RBFOX2: variants seen among roughly 807,000 people sequenced by gnomAD.
The protein encoded by RBFOX2 is RNA binding protein fox-1 homolog 2.
In RBFOX2, 10 loss-of-function variants were observed where a neutral mutation model predicts 49.1. The ratio of observed to expected loss-of-function variants is 0.20; its 90% CI spans 0.13 to 0.35. The LOEUF (loss-of-function observed/expected upper bound fraction) is 0.35. Among genes scored for constraint, RBFOX2 ranks in the 10% least tolerant of loss-of-function variants. The pLI is 1.00. For synonymous variants in RBFOX2, 183 were observed against 187.4 expected (o/e 0.98, Z 0.19); for missense variants, 323 against 486.9 (o/e 0.66, Z 3.17).
intron 1 of RBFOX2, among the ~76,000 whole-genome samples, chr22:35,953,278 TAAAC>T (rs1047646439): frequency 6.6e-5 from 8 of 121,772 alleles, no homozygotes; most frequent in Non-Finnish European, 1.4e-4. Context: ...GATAAACAGA[TAAAC>T]AAATTGTGCT....
chr22:35,935,937 A>C (rs1400760824), intron 1 of RBFOX2, among the ~76,000 whole-genome samples: 1 of 152,162 alleles, frequency 6.6e-6, no homozygotes, highest in African/African-American at 2.4e-5. Flanking sequence ...AATACAATGA[A>C]AGTGGTCCAA....
upstream of RBFOX2, chr22:35,938,996 G>C (rs1224064616): frequency 3.4e-6 from 4 of 1,183,858 alleles, no homozygotes; most frequent in African/African-American, 6.0e-5. Flanking sequence ...TTCCTGCCCT[G>C]GTTCCTAAAA....
chr22:35,963,830 C>G (rs1376483130), upstream of RBFOX2, among the ~76,000 whole-genome samples: 1 of 152,204 alleles, frequency 6.6e-6, no homozygotes, highest in East Asian at 1.9e-4. Flanking sequence ...ACTGCAACCT[C>G]TGCCTCCCGG....
At chr22:35,975,504 T>G (rs1433667504) in intron 1 of RBFOX2, among the ~76,000 whole-genome samples, 3 of 152,214 alleles carry the variant, frequency 2.0e-5, no homozygotes, top group Non-Finnish European at 4.4e-5. Context: ...AGTGCCTGAT[T>G]TAGATTAGGA....
chr22:35,990,900 T>C (rs140095941), intron 1 of RBFOX2, among the ~76,000 whole-genome samples: 3 of 152,130 alleles, frequency 2.0e-5, no homozygotes, highest in South Asian at 2.1e-4. Context: ...TATGTAAGCA[T>C]TGGAGAGGGG....
intron 1 of RBFOX2, chr22:35,995,520 C>G (rs1266313406): frequency 1.3e-5 from 2 of 152,160 alleles, no homozygotes; most frequent in Non-Finnish European, 2.9e-5. Flanking sequence ...AAATTGTAAT[C>G]CCCACGTGTC....
intron 1 of RBFOX2, among the ~76,000 whole-genome samples, chr22:35,876,810 T>A (rs1455037253): frequency 2.0e-5 from 3 of 152,076 alleles, no homozygotes; most frequent in Admixed American, 2.0e-4. Flanking sequence ...GGAAAACGTT[T>A]GAGCACACTG....
At chr22:35,933,274 T>C (rs1003451509) in intron 1 of RBFOX2, among the ~76,000 whole-genome samples, 4 of 152,218 alleles carry the variant, frequency 2.6e-5, no homozygotes, top group Non-Finnish European at 4.4e-5. Flanking sequence ...AGCTGAACTA[T>C]TGTGAAGATC....
chr22:35,837,588 T>A (rs1471825169), intron 1 of RBFOX2, among the ~76,000 whole-genome samples: 1 of 152,136 alleles, frequency 6.6e-6, no homozygotes, highest in Non-Finnish European at 1.5e-5. Context: ...GGTTATTTCC[T>A]TTGATTGTTT....
intron 1 of RBFOX2, among the ~76,000 whole-genome samples, chr22:35,851,554 G>A (rs1024148116): frequency 6.6e-6 from 1 of 152,096 alleles, no homozygotes; most frequent in African/African-American, 2.4e-5. Context: ...TGGCCGGGTG[G>A]TGTGGCTCAC....
intron 9 of RBFOX2, chr22:35,750,480 CA>C: frequency 1.3e-6 from 2 of 1,591,804 alleles, no homozygotes; most frequent in Non-Finnish European, 8.6e-7. Flanking sequence ...TGAAATAAAA[CA>C]AAAAATGGGG....
intron 1 of RBFOX2, among the ~76,000 whole-genome samples, chr22:35,953,495 C>T (rs2055194272): frequency 6.6e-6 from 1 of 151,940 alleles, no homozygotes; most frequent in Non-Finnish European, 1.5e-5. Flanking sequence ...TGGTTGCCAG[C>T]AGGGAAGGGG....
At chr22:35,745,722 C>G (rs1489667075) in intron 11 of RBFOX2, among the ~76,000 whole-genome samples, 1 of 152,168 alleles carries the variant, frequency 6.6e-6, no homozygotes, top group Non-Finnish European at 1.5e-5. Context: ...TTCTGCTGCC[C>G]TTAACTAGGC....
At chr22:35,897,366 G>A in intron 1 of RBFOX2, 1 of 1,200,592 alleles carries the variant, frequency 8.3e-7, no homozygotes, top group Non-Finnish European at 1.2e-6. Flanking sequence ...GAGTTCCAGT[G>A]GTGTTGCCTG....
chr22:35,896,003 A>G (rs5750192), intron 1 of RBFOX2, among the ~76,000 whole-genome samples: 11,928 of 152,190 alleles, frequency 0.078, 487 homozygotes, highest in African/African-American at 0.087. Flanking sequence ...TATTCAGAAA[A>G]TCACGTAATT....
intron 2 of RBFOX2, among the ~76,000 whole-genome samples, chr22:35,792,352 A>G (rs922112955): frequency 6.7e-6 from 1 of 150,308 alleles, no homozygotes; most frequent in African/African-American, 2.5e-5. Context: ...AAAGAAAAGA[A>G]AAGAAAAGAA....
chr22:35,946,899 A>G (rs1302821054), intron 1 of RBFOX2, among the ~76,000 whole-genome samples: 1 of 152,226 alleles, frequency 6.6e-6, no homozygotes, highest in Non-Finnish European at 1.5e-5. Context: ...CCATGAGATT[A>G]TAACGAAGCT....
At chr22:35,912,208 G>A (rs2149519505) in intron 1 of RBFOX2, among the ~76,000 whole-genome samples, 1 of 152,294 alleles carries the variant, frequency 6.6e-6, no homozygotes, top group Admixed American at 6.5e-5. Flanking sequence ...ATCTCTCAGA[G>A]CACACCACTG....
intron 1 of RBFOX2, among the ~76,000 whole-genome samples, chr22:35,990,677 T>C (rs1325220390): frequency 6.6e-6 from 1 of 152,184 alleles, no homozygotes; most frequent in Non-Finnish European, 1.5e-5. Flanking sequence ...GCTGGATCAG[T>C]CTTCCACACA....
Sources: gnomAD v4.1 joint callset for allele counts (sites outside exome capture counted in the v4.1 genomes callset) on GRCh38, gnomAD v4.1.1 for gene constraint, MANE v1.5 for transcripts, NCBI Gene and HGNC (gene_info 2026-07-23, HGNC 2026-07-21) for gene names.